The following RBFOX1 variants were observed in gnomAD, a reference collection of about 807,000 sequenced individuals.
The protein encoded by RBFOX1 is RNA binding fox-1 homolog 1.
RBFOX1 carries 8 observed loss-of-function variants against 57.7 expected under a neutral mutation model. The observed-to-expected ratio is 0.14, with a 90% CI of 0.08 to 0.25. The LOEUF is 0.25. Among genes scored for constraint, RBFOX1 ranks in the 10% least tolerant of loss-of-function variants. The pLI is 1.00. For missense variants in RBFOX1, 611 were observed against 548.5 expected (o/e 1.11, Z -1.14); for synonymous variants, 326 against 222.4 (o/e 1.47, Z -4.15).
intron 1 of RBFOX1, among the ~76,000 whole-genome samples, chr16:6,203,364 G>A (rs1365703285): frequency 1.3e-5 from 2 of 151,988 alleles, no homozygotes; most frequent in Non-Finnish European, 2.9e-5. Context: ...TTCTGTGTCT[G>A]GCTTATTTCA....
At chr16:5,842,720 G>C (rs768185599) in intron 3 of RBFOX1, among the ~76,000 whole-genome samples, 8 of 152,220 alleles carry the variant, frequency 5.3e-5, no homozygotes, top group Non-Finnish European at 1.2e-4. Flanking sequence ...AAAGGCAATG[G>C]GTTAGTCCCA....
intron 4 of RBFOX1, among the ~76,000 whole-genome samples, chr16:5,935,520 C>G (rs746856861): frequency 1.3e-5 from 2 of 152,054 alleles, no homozygotes; most frequent in Non-Finnish European, 2.9e-5. Context: ...TGATTAGGGC[C>G]GGTGGACAGT....
At chr16:6,038,397 GT>G (rs1477670536) in intron 1 of RBFOX1, 3 of 149,930 alleles carry the variant, frequency 2.0e-5, no homozygotes, top group African/African-American at 7.3e-5. Flanking sequence ...GGTCAAGCTG[GT>G]CTCGAACTCC....
At chr16:5,752,263 A>G (rs2053235582) in intron 3 of RBFOX1, among the ~76,000 whole-genome samples, 1 of 152,132 alleles carries the variant, frequency 6.6e-6, no homozygotes, top group African/African-American at 2.4e-5. Flanking sequence ...ACACACTGGG[A>G]CCTTTTAGAG....
At chr16:6,522,838 C>G (rs1465199555) in intron 2 of RBFOX1, among the ~76,000 whole-genome samples, 2 of 151,904 alleles carry the variant, frequency 1.3e-5, no homozygotes, top group South Asian at 4.2e-4. Flanking sequence ...GGGTATAGCC[C>G]CTTCCTGCTC....
intron 4 of RBFOX1, among the ~76,000 whole-genome samples, chr16:7,482,388 G>A (rs1479628972): frequency 6.6e-6 from 1 of 152,124 alleles, no homozygotes; most frequent in African/African-American, 2.4e-5. Context: ...AGCTGACAGT[G>A]ATTGCTGCGT....
intron 4 of RBFOX1, among the ~76,000 whole-genome samples, chr16:7,100,532 G>A (rs1243779659): frequency 6.8e-6 from 1 of 147,474 alleles, no homozygotes; most frequent in African/African-American, 2.5e-5. Context: ...TAGTGTTACT[G>A]ATGGTTTGGG....
chr16:7,482,224 T>C (rs909877740), intron 4 of RBFOX1, among the ~76,000 whole-genome samples: 2 of 152,234 alleles, frequency 1.3e-5, no homozygotes, highest in Non-Finnish European at 2.9e-5. Flanking sequence ...CAGTGCCTGG[T>C]GCATTGCATT....
At chr16:5,381,778 A>T (rs147493220) in intron 1 of RBFOX1, among the ~76,000 whole-genome samples, 3 of 152,342 alleles carry the variant, frequency 2.0e-5, no homozygotes, top group Non-Finnish European at 2.9e-5. Context: ...AGGTCCTGGG[A>T]TGCCCCCTTA....
At chr16:7,181,054 G>T (rs941756679) in intron 4 of RBFOX1, among the ~76,000 whole-genome samples, 54 of 152,332 alleles carry the variant, frequency 3.5e-4, no homozygotes, top group African/African-American at 1.3e-3. Flanking sequence ...AGTCAGCGAG[G>T]CTGATTTGGT....
At chr16:7,543,731 T>C (rs552276059) in intron 5 of RBFOX1, among the ~76,000 whole-genome samples, 1 of 151,646 alleles carries the variant, frequency 6.6e-6, no homozygotes, top group African/African-American at 2.4e-5. Context: ...TTATTTTTTA[T>C]ATATTTATTT....
chr16:5,251,210 A>G (rs1407266205), intron 1 of RBFOX1, among the ~76,000 whole-genome samples: 5 of 152,304 alleles, frequency 3.3e-5, no homozygotes, highest in South Asian at 4.1e-4. Flanking sequence ...TTTCTCAAAC[A>G]TTCCTGGCAA....
At chr16:6,816,499 T>C (rs543193930) in intron 3 of RBFOX1, among the ~76,000 whole-genome samples, 4 of 151,348 alleles carry the variant, frequency 2.6e-5, no homozygotes, top group African/African-American at 4.9e-5. Context: ...CTCAGTACTT[T>C]GGGAAGCCAA....
intron 2 of RBFOX1, among the ~76,000 whole-genome samples, chr16:5,562,832 T>C (rs149798333): frequency 2.0e-4 from 31 of 152,288 alleles, no homozygotes; most frequent in African/African-American, 7.2e-4. Flanking sequence ...GGAACTACCT[T>C]TAGGCAAACT....
intron 2 of RBFOX1, among the ~76,000 whole-genome samples, chr16:6,550,912 C>T (rs531338189): frequency 3.3e-5 from 5 of 152,138 alleles, no homozygotes; most frequent in Admixed American, 6.6e-5. Flanking sequence ...TGTGAATACT[C>T]GGGCAACTCA....
intron 2 of RBFOX1, among the ~76,000 whole-genome samples, chr16:6,568,149 G>T (rs1449598041): frequency 6.6e-6 from 1 of 152,176 alleles, no homozygotes; most frequent in Non-Finnish European, 1.5e-5. Context: ...TACTCCCAAA[G>T]TTAGCCTCTC....
chr16:7,011,827 G>A (rs1371016064), intron 3 of RBFOX1, among the ~76,000 whole-genome samples: 1 of 152,124 alleles, frequency 6.6e-6, no homozygotes, highest in African/African-American at 2.4e-5. Context: ...AGTTGTTTTT[G>A]GACAGTGATA....
intron 3 of RBFOX1, among the ~76,000 whole-genome samples, chr16:5,757,195 C>A (rs1014456666): frequency 6.0e-4 from 90 of 149,074 alleles, no homozygotes; most frequent in African/African-American, 2.1e-3. Flanking sequence ...GCATGAAGAG[C>A]GTGGCGGGGA....
At chr16:5,564,814 C>T (rs1457646288) in intron 2 of RBFOX1, among the ~76,000 whole-genome samples, 1 of 152,140 alleles carries the variant, frequency 6.6e-6, no homozygotes, top group Non-Finnish European at 1.5e-5. Flanking sequence ...TCACGGTTCT[C>T]CAGCACTTCT....
Sources: allele counts gnomAD v4.1 joint callset (sites outside exome capture counted in the v4.1 genomes callset), GRCh38; gene constraint gnomAD v4.1.1; transcripts MANE v1.5; gene names NCBI Gene and HGNC (gene_info 2026-07-23, HGNC 2026-07-21).